The following CA10 variants were observed in gnomAD, a reference collection of about 807,000 sequenced individuals.
CA10 encodes the protein carbonic anhydrase-related protein 10.
Under a neutral mutation model 44.2 loss-of-function variants are expected in CA10, and 14 were observed. The ratio of observed to expected loss-of-function variants is 0.32; its 90% confidence interval spans 0.21 to 0.50. The LOEUF is 0.50. Ranked by LOEUF, CA10 falls within the 20% of genes least tolerant of loss-of-function variation. CA10 has a pLI of 0.99. For missense variants in CA10, 350 were observed against 409.7 expected, an observed-to-expected ratio of 0.85 and a Z score of 1.26; for synonymous variants, 159 against 141.6, an observed-to-expected ratio of 1.12 and a Z score of -0.87.
At chr17:51,896,460 C>G (rs1981072879) in intron 3 of CA10, among the ~76,000 whole-genome samples, 1 of 152,160 alleles carries the variant, frequency 6.6e-6, no homozygotes, top group African/African-American at 2.4e-5. Flanking sequence ...GTATAAGTAC[C>G]ACATTTTCTT....
chr17:52,153,852 A>G (rs1048359846), intron 1 of CA10, among the ~76,000 whole-genome samples: 6 of 152,214 alleles, frequency 3.9e-5, no homozygotes, highest in South Asian at 2.1e-4. Flanking sequence ...ATTGGACATA[A>G]TATCTCATTT....
intron 1 of CA10, among the ~76,000 whole-genome samples, chr17:52,122,105 G>A (rs772931872): frequency 6.6e-6 from 1 of 152,156 alleles, no homozygotes; most frequent in South Asian, 2.1e-4. Context: ...GTAAGAAAAA[G>A]TTCTAAAACC....
chr17:51,763,668 C>T (rs1905276551), intron 3 of CA10, among the ~76,000 whole-genome samples: 2 of 152,174 alleles, frequency 1.3e-5, no homozygotes, highest in South Asian at 4.1e-4. Context: ...TGCAATCCCC[C>T]TACCTCTTTT....
At chr17:52,138,488 C>T (rs1989407209) in intron 1 of CA10, among the ~76,000 whole-genome samples, 1 of 152,258 alleles carries the variant, frequency 6.6e-6, no homozygotes, top group East Asian at 1.9e-4. Context: ...GTATCCAGTC[C>T]CACCCAGGTA....
intron 3 of CA10, among the ~76,000 whole-genome samples, chr17:51,898,586 C>T (rs1208523511): frequency 6.6e-6 from 1 of 152,048 alleles, no homozygotes; most frequent in African/African-American, 2.4e-5. Flanking sequence ...AGAGACAAGT[C>T]CCTTCTCCTC....
intron 2 of CA10, among the ~76,000 whole-genome samples, chr17:51,971,756 A>G (rs1376296239): frequency 6.6e-6 from 1 of 152,054 alleles, no homozygotes; most frequent in African/African-American, 2.4e-5. Flanking sequence ...GTGTTAATAA[A>G]AAGCTATTCT....
At position 51,631,339 on chromosome 17, in the gene CA10, T is replaced by C. The variant is rs1357487938; in HGVS notation, c.*245A>G. The C allele has an allele frequency of 1.3e-5, 7 of 541,528 alleles. No individual in the cohort carries two copies. The highest frequency in any genetic ancestry group is 2.3e-5 in the Non-Finnish European group (7 of 301,488). 33.5% of individuals were successfully genotyped at this position (541,528 alleles called of 1,614,324 possible). A position where few individuals can be genotyped will look rare whatever the true frequency, so the allele number is the denominator to read the frequency against. Reference sequence around the variant, plus strand: ...GAGGTTGTAAGAGTGTGTGTGTGTGTAGGTATGTTTGCATGTGTTTGTATG... The same window carrying C: ...GAGGTTGTAAGAGTGTGTGTGTGTGCAGGTATGTTTGCATGTGTTTGTATG... On this transcript the variant is annotated 3_prime_UTR_variant, in exon 9 of 9. Transcript: ENST00000451037.
At chr17:51,883,470 G>C (rs940332298) in intron 3 of CA10, among the ~76,000 whole-genome samples, 2 of 152,184 alleles carry the variant, frequency 1.3e-5, no homozygotes, top group Admixed American at 1.3e-4. Flanking sequence ...ATATGCTAAT[G>C]ATCCCCCATC....
chr17:51,789,116 G>T (rs897077625), intron 3 of CA10, among the ~76,000 whole-genome samples: 68 of 152,122 alleles, frequency 4.5e-4, no homozygotes, highest in Non-Finnish European at 1.3e-4. Flanking sequence ...CTGGGTTCAA[G>T]CAATTCTCCT....
rs1986917894 is a variant in CA10 at position 52,046,539 on chromosome 17, A to C, written c.136+25780T>G. ...TGTAGAAGAAATAATCTGGATAGTC[A>C]TATAACAATTCAAGATATTGAAGTA... On this transcript the variant is annotated intron_variant, in intron 2 of 8. Transcript: ENST00000451037. 1.3e-5 allele frequency among the ~76,000 whole-genome samples: 2 copies of C among 151,964 alleles called. 1 individual carries two copies. The highest frequency in any genetic ancestry group is 4.1e-4 in the South Asian group (2 of 4,822).
chr17:51,894,039 A>T (rs1038578299), intron 3 of CA10, among the ~76,000 whole-genome samples: 1 of 152,182 alleles, frequency 6.6e-6, no homozygotes, highest in Non-Finnish European at 1.5e-5. Flanking sequence ...CAAAATTATA[A>T]CACCACTAGA....
chr17:51,968,462 C>T (rs116253837), intron 2 of CA10, among the ~76,000 whole-genome samples: 1,663 of 151,858 alleles, frequency 0.011, 34 homozygotes, highest in African/African-American at 0.038. Flanking sequence ...TGAGCAAAAA[C>T]AAAACAAAAA....
At chr17:52,030,090 C>T (rs1481309415) in intron 2 of CA10, among the ~76,000 whole-genome samples, 8 of 152,146 alleles carry the variant, frequency 5.3e-5, no homozygotes, top group South Asian at 2.1e-4. Context: ...GAAACATAGG[C>T]GTGTAGTAGC....
intron 3 of CA10, among the ~76,000 whole-genome samples, chr17:51,760,069 A>C (rs903992346): frequency 1.3e-5 from 2 of 152,112 alleles, no homozygotes; most frequent in Non-Finnish European, 2.9e-5. Flanking sequence ...ATAACTCCCG[A>C]TCTCCAGTTA....
At chr17:52,116,021 G>A (rs1339341084) in intron 1 of CA10, among the ~76,000 whole-genome samples, 4 of 151,686 alleles carry the variant, frequency 2.6e-5, no homozygotes, top group Admixed American at 2.0e-4. Context: ...GAACCTGGGA[G>A]GCGGAGATTG....
At chr17:52,041,283 CCAAT>C (rs1356095877) in intron 2 of CA10, among the ~76,000 whole-genome samples, 3 of 152,082 alleles carry the variant, frequency 2.0e-5, no homozygotes, top group Non-Finnish European at 2.9e-5. Flanking sequence ...AGGAGAAAAA[CCAAT>C]CAATGGCAAC....
At chr17:51,632,460 A>AT (rs1862524448) in intron 8 of CA10, among the ~76,000 whole-genome samples, 1 of 152,224 alleles carries the variant, frequency 6.6e-6, no homozygotes, top group Non-Finnish European at 1.5e-5. Flanking sequence ...AGTAGGAGGA[A>AT]TGAAGTGGAG....
chr17:51,990,131 T>C (rs1984989242), intron 2 of CA10, among the ~76,000 whole-genome samples: 2 of 152,260 alleles, frequency 1.3e-5, no homozygotes, highest in East Asian at 1.9e-4. Flanking sequence ...ATATAGCTTA[T>C]ACATCTTTTT....
At chr17:51,842,714 T>A (rs1369169368) in intron 3 of CA10, among the ~76,000 whole-genome samples, 2 of 152,148 alleles carry the variant, frequency 1.3e-5, no homozygotes, top group African/African-American at 4.8e-5. Context: ...TTAAACCTTT[T>A]TTTTTTGCTT....
Sources: gnomAD v4.1 joint callset for allele counts (sites outside exome capture counted in the v4.1 genomes callset) on GRCh38, gnomAD v4.1.1 for gene constraint, MANE v1.5 for transcripts, NCBI Gene and HGNC (gene_info 2026-07-23, HGNC 2026-07-21) for gene names.